Variants in TNK2 observed in about 807,000 individuals in gnomAD.
The protein encoded by TNK2 is activated CDC42 kinase 1.
Under a neutral mutation model 101.8 loss-of-function variants are expected in TNK2, and 83 were observed. The observed-to-expected ratio is 0.82, with a 90% CI of 0.68 to 0.98. The LOEUF is 0.98. Ranked by LOEUF, TNK2 falls within the 50% of genes least tolerant of loss-of-function variation. TNK2 has a pLI of 0.00. For synonymous variants in TNK2, 804 were observed against 633.0 expected (o/e 1.27, Z -4.06); for missense variants, 1,665 against 1,483.2 (o/e 1.12, Z -2.01).
Position 195,872,228 on chromosome 3 carries a change from G to A in TNK2, c.1451+48C>T, listed in dbSNP as rs781264412. The stretch of plus-strand genomic sequence containing the variant: ...CACGCGTGCCGTGCTGAGGGCCCTG[G>A]AGTCCCGAGCGGGGCCAGGTCAGCA... On this transcript the variant is annotated intron_variant, in intron 10 of 15. Transcript: ENST00000672887. 12 of 1,604,742 alleles carry A rather than the reference G, an allele frequency of 7.5e-6. No individual in the cohort carries two copies. The South Asian group carries it at 1.1e-4, about 15-fold the overall frequency.
Position 195,868,586 on chromosome 3 carries a change from G to A in TNK2, c.1712C>T (p.Pro571Leu), listed in dbSNP as rs755357120. ...GCTGCCTCGGCTGGCCTTGGTGCCC[G>A]GCACCCGCGCCGAGGGCTTCGCCAG... ...LWLAKPSARV[P>L]GTKASRGSGA... The change falls in exon 13 of 16, where the codon CCG becomes CTG. Residue 571 changes from proline (P) to leucine (L), a missense_variant. By Grantham distance (98) the Pro-to-Leu change is moderately conservative. Around this residue, in one of 3 missense-constraint regions of TNK2, gnomAD observed 1,136 missense variants for 894.9 expected, o/e 1.27. Coordinates refer to ENST00000672887, the MANE Select transcript of TNK2 (RefSeq NM_001382273.1). The A allele has an allele frequency of 4.3e-5, 67 of 1,574,524 alleles. 1 individual carries two copies. The highest frequency in any genetic ancestry group is 1.4e-4 in the South Asian group (12 of 88,788).
chr3:195,876,675 G>C (rs1409254913), intron 9 of TNK2: 1 of 454,604 alleles, frequency 2.2e-6, no homozygotes, highest in Admixed American at 2.4e-5. Context: ...GGTGGCCCAG[G>C]GGGAAGGAGC....
At position 195,868,193 on chromosome 3, in the gene TNK2, A is replaced by G. The variant is rs1299004946; in HGVS notation, c.2105T>C (p.Leu702Pro). 4.3e-6 allele frequency: 7 copies of G among 1,609,284 alleles called. No individual in the cohort carries two copies. Among genetic ancestry groups the G allele is most frequent in the Non-Finnish European group, 5.9e-6 (7 of 1,178,888 alleles). The change falls in exon 13 of 16, where the codon CTG becomes CCG. Residue 702 changes from leucine to proline, a missense_variant. This residue lies in a region of TNK2 where 1,136 missense variants were observed against 894.9 expected (regional missense o/e 1.27). Transcript: ENST00000672887. ...ARPPPPLEDN[L>P]FLPPQGGGKP... ...GCCCCCACCCTGGGGCGGGAGGAAC[A>G]GGTTGTCCTCCAGGGGAGGGGGCGG...
Position 195,868,233 on chromosome 3 carries a change from G to A in TNK2, c.2065C>T (p.Pro689Ser), listed in dbSNP as rs143166115. The A allele has an allele frequency of 9.7e-4, 1,555 of 1,605,912 alleles. 3 individuals carry two copies. The highest frequency in any genetic ancestry group is 1.2e-3 in the Non-Finnish European group (1,458 of 1,179,446). ...GGAGGGGGCGGCCGCGCCTGCTCAG[G>A]CACAAAGGCGTAGTTGGTCTGGCCC... ...SQGQTNYAFV[P>S]EQARPPPPLE... is the part of the protein sequence containing the mutation. Residue 689 changes from proline to serine, a missense_variant, in exon 13 of 16, where the codon CCT (proline) becomes TCT (serine). By Grantham distance (74) the Pro-to-Ser change is moderately conservative. Around this residue, in one of 3 missense-constraint regions of TNK2, gnomAD observed 1,136 missense variants for 894.9 expected, o/e 1.27. Coordinates refer to ENST00000672887, the MANE Select transcript of TNK2 (RefSeq NM_001382273.1).
At chr3:195,880,102 G>A (rs974685940) in intron 6 of TNK2, among the ~76,000 whole-genome samples, 3 of 152,048 alleles carry the variant, frequency 2.0e-5, no homozygotes, top group Admixed American at 6.5e-5. Context: ...AACCCTTCCC[G>A]CCTCAAAGCA....
At chr3:195,895,242 T>C (rs201615423) in intron 1 of TNK2, 2 of 1,538,870 alleles carry the variant, frequency 1.3e-6, no homozygotes. Context: ...GCCTTCCCCA[T>C]TACCTGCGGT....
intron 1 of TNK2, chr3:195,896,299 T>C: frequency 3.0e-6 from 1 of 332,738 alleles, no homozygotes; most frequent in South Asian, 2.1e-5. Flanking sequence ...GCACCTTCCC[T>C]GGGTTGGGGC....
At position 195,902,118 on chromosome 3, in the gene TNK2, A is replaced by G. The variant is rs147508229; in HGVS notation, c.-19+6367T>C. 1.6e-3 allele frequency among the ~76,000 whole-genome samples: 248 copies of G among 152,336 alleles called. 1 individual carries two copies. Among genetic ancestry groups the G allele is most frequent in the Middle Eastern group, 3.4e-3 (1 of 294 alleles). ...AGAATGGTAGAGGAAAAACCACCAC[A>G]GAACTTTGGAAGCTGGAAAGCAGAT... On this transcript the variant is annotated intron_variant, in intron 1 of 15. Coordinates refer to ENST00000672887, the MANE Select transcript of TNK2 (RefSeq NM_001382273.1).
rs187172444 is a variant in TNK2, at chr3:195,872,263, G to A, written c.1451+13C>T. On this transcript the variant is annotated intron_variant, in intron 10 of 15. Transcript: ENST00000672887. ...CGGGGCCAGGTCAGCATCCATCCCC[G>A]CCCAGTACTCACTCGTCAATCCTGT... The A allele has an allele frequency of 2.5e-5, 40 of 1,612,876 alleles. No individual in the cohort carries two copies. The highest frequency in any genetic ancestry group is 9.9e-5 in the South Asian group (9 of 91,080).
chr3:195,871,931 C>T (rs921640506), intron 10 of TNK2, among the ~76,000 whole-genome samples: 15 of 151,276 alleles, frequency 9.9e-5, no homozygotes, highest in Non-Finnish European at 1.8e-4. Flanking sequence ...CCCTGGAGAA[C>T]CCTCCCCTGG....
intron 9 of TNK2, among the ~76,000 whole-genome samples, chr3:195,876,136 C>G (rs1052210970): frequency 3.3e-5 from 5 of 152,314 alleles, no homozygotes; most frequent in African/African-American, 1.2e-4. Flanking sequence ...GTATGCGGAA[C>G]AAAAGTGCTG....
At chr3:195,906,306 C>G (rs61218216) in intron 1 of TNK2, among the ~76,000 whole-genome samples, 31,137 of 152,038 alleles carry the variant, frequency 0.2, 3,475 homozygotes, top group Middle Eastern at 0.3. Flanking sequence ...CATGACCCAG[C>G]CATTCCGGTC....
chr3:195,891,831 G>T (rs1758591533), intron 1 of TNK2: 1 of 800,470 alleles, frequency 1.2e-6, no homozygotes, highest in Non-Finnish European at 1.5e-6. Context: ...GGCTGGGGGA[G>T]ACCCAGAGGC....
Position 195,888,015 on chromosome 3 carries a change from CAAGA to C in TNK2, c.163+407_163+410del, listed in dbSNP as rs1283768011. Among the ~76,000 whole-genome samples the C allele has an allele frequency of 3.3e-5, 5 of 151,912 alleles. No homozygotes were observed. Among genetic ancestry groups the C allele is most frequent in the Non-Finnish European group, 5.9e-5 (4 of 68,000 alleles). On this transcript the variant is annotated intron_variant, in intron 2 of 15. Transcript: ENST00000672887. This position sits in a 1 kb window ranked among gnomAD's most constrained non-coding sequence, Gnocchi z 5.3. ...GCATGCGTGTGTGCGTGTGAGAGAG[CAAGA>C]AAGAGAGCGTGAGCACGAATCAGCA...
rs764645856 is a variant in TNK2, at chr3:195,866,920, G to A, written c.3130C>T (p.Leu1044Phe). The change falls in exon 15 of 16, where the codon CTT (leucine) becomes TTT (phenylalanine). Residue 1044 changes from leucine (L) to phenylalanine (F), a missense_variant. Leu to Phe is a conservative substitution (Grantham distance 22). Around this residue, in one of 3 missense-constraint regions of TNK2, gnomAD observed 1,136 missense variants for 894.9 expected, o/e 1.27. Transcript: ENST00000672887. ...TGGGCAGGGCCCCAGGAGCCCAGAAGGTGGCAGCCGGCCTGCTCCAGGTTC... is the reference window on the plus strand; with the variant it reads ...TGGGCAGGGCCCCAGGAGCCCAGAAAGTGGCAGCCGGCCTGCTCCAGGTTC... ...DWNLEQAGCHLLGSWGPAHHK... is the reference protein window; with the variant it reads ...DWNLEQAGCHFLGSWGPAHHK... The A allele has an allele frequency of 6.2e-7, 1 of 1,612,090 alleles. No individual in the cohort carries two copies. Among genetic ancestry groups the A allele is most frequent in the Non-Finnish European group, 8.5e-7 (1 of 1,179,506 alleles).
At chr3:195,906,154 G>C (rs1395045239) in intron 1 of TNK2, among the ~76,000 whole-genome samples, 1 of 152,168 alleles carries the variant, frequency 6.6e-6, no homozygotes, top group Non-Finnish European at 1.5e-5. Flanking sequence ...TCTAAAATTA[G>C]AGACTGACCA....
chr3:195,885,161 T>C lies in TNK2; in HGVS notation c.235-128A>G. 8.8e-7 allele frequency: 1 copy of C among 1,140,562 alleles called. No individual in the cohort carries two copies. 70.7% of individuals were successfully genotyped at this position (1,140,562 alleles called of 1,614,324 possible). On this transcript the variant is annotated intron_variant, in intron 3 of 15. Transcript: ENST00000672887. The surrounding 1 kb of genome is among the most constrained non-coding windows in gnomAD (Gnocchi z 4.7). ...CAGATAGGTCCTGGTTTTGCCAAAC[T>C]GTCAGTGGGGCAGCCTGGCTGGAGG...
intron 1 of TNK2, among the ~76,000 whole-genome samples, chr3:195,889,211 G>GGGGT (rs1456194849): frequency 6.6e-6 from 1 of 152,058 alleles, no homozygotes; most frequent in African/African-American, 2.4e-5. Context: ...ACAGGAGGGA[G>GGGGT]GGGTGGGGCC....
chr3:195,893,059 C>T (rs994158200), intron 1 of TNK2, among the ~76,000 whole-genome samples: 11 of 152,016 alleles, frequency 7.2e-5, no homozygotes, highest in Admixed American at 2.0e-4. Flanking sequence ...TCAAACAGCA[C>T]GTATGAAGCA....
Sources: allele counts gnomAD v4.1 joint callset (sites outside exome capture counted in the v4.1 genomes callset), GRCh38; gene constraint gnomAD v4.1.1; regional missense constraint gnomAD v4.1.1; non-coding constraint Gnocchi (gnomAD v3.1); transcripts MANE v1.5; gene names NCBI Gene and HGNC (gene_info 2026-07-23, HGNC 2026-07-21).